CDON: variants seen among roughly 807,000 people sequenced by gnomAD.
The protein encoded by CDON is cell adhesion associated, oncogene regulated, also known as cell adhesion molecule-related/down-regulated by oncogenes.
In CDON, 73 loss-of-function variants were observed where a neutral mutation model predicts 120.9. The observed-to-expected ratio is 0.60, with a 90% confidence interval of 0.50 to 0.73. CDON has a LOEUF of 0.73. Ranked by LOEUF, CDON falls within the 30% of genes least tolerant of loss-of-function variation. The probability of loss-of-function intolerance (pLI) is 0.00; values close to 1 mark genes in which losing one functional copy is unlikely to be tolerated. For synonymous variants in CDON, 566 were observed against 573.5 expected (o/e 0.99, Z 0.19); for missense variants, 1,470 against 1,587.3 (o/e 0.93, Z 1.26).
At chr11:125,991,022 C>T (rs139545917) in intron 14 of CDON, among the ~76,000 whole-genome samples, 3,125 of 152,172 alleles carry the variant, frequency 0.021, 42 homozygotes, top group Middle Eastern at 0.045. Context: ...AGTCTTGGGT[C>T]TTTCCCAACC....
chr11:126,011,723 T>C (rs1390779897), intron 7 of CDON, among the ~76,000 whole-genome samples: 1 of 152,266 alleles, frequency 6.6e-6, no homozygotes, highest in Non-Finnish European at 1.5e-5. Context: ...TTCATTTCAA[T>C]GTGGTCATCC....
intron 1 of CDON, among the ~76,000 whole-genome samples, chr11:126,038,825 G>A (rs994914721): frequency 6.6e-6 from 1 of 152,134 alleles, no homozygotes; most frequent in Admixed American, 6.5e-5. Context: ...TACCTCAAGA[G>A]TAAAGGATCA....
chr11:126,028,440 T>C (rs778494247), intron 1 of CDON, among the ~76,000 whole-genome samples: 5 of 152,146 alleles, frequency 3.3e-5, no homozygotes, highest in Non-Finnish European at 5.9e-5. Context: ...CTTGGCTCAC[T>C]GCAGCCTCCG....
chr11:126,007,181 TCC>T, intron 8 of CDON, among the ~76,000 whole-genome samples: 1 of 152,310 alleles, frequency 6.6e-6, no homozygotes, highest in East Asian at 1.9e-4. Context: ...TACTTTTATG[TCC>T]AAAATGAAGT....
chr11:125,977,234 T>C (rs1283237070), intron 18 of CDON, among the ~76,000 whole-genome samples: 2 of 152,204 alleles, frequency 1.3e-5, no homozygotes, highest in East Asian at 3.8e-4. Flanking sequence ...AAGAAGCAGA[T>C]GGCTCTTTTA....
Position 125,983,952 on chromosome 11 carries a change from A to G in CDON, c.2915T>C (p.Val972Ala). 6.2e-7 allele frequency: 1 copy of G among 1,614,222 alleles called. No individual in the cohort carries two copies. Residue 972 changes from valine to alanine, a missense_variant, in exon 16 of 20, where the codon GTG becomes GCG. Val to Ala is a moderately conservative substitution (Grantham distance 64, BLOSUM62 0). Transcript: ENST00000531738. ...CAGAATGAGGACCATGACGCCCAGC[A>G]CACAGCCAACGATCAGATATAACAT... ...SDMLYLIVGC[V>A]LGVMVLILMV...
At chr11:125,983,427 T>A (rs1946371554) in intron 16 of CDON, among the ~76,000 whole-genome samples, 1 of 152,176 alleles carries the variant, frequency 6.6e-6, no homozygotes, top group Non-Finnish European at 1.5e-5. Flanking sequence ...GTTATCCTCA[T>A]CGGTGAAGTG....
In CDON at chr11:125,960,890, T is replaced by TG; in HGVS notation, c.*51dup. The TG allele has an allele frequency of 6.4e-7, 1 of 1,558,658 alleles. No individual in the cohort carries two copies. The highest frequency in any genetic ancestry group is 8.8e-7 in the Non-Finnish European group (1 of 1,130,564). ...TCACACAGTTCGCTCCCAGGCCTGT[T>TG]GTGTGCAGTTACCGGCTTGAAGTTG... On this transcript the variant is annotated 3_prime_UTR_variant, in exon 20 of 20. Transcript: ENST00000531738.
rs966553971 is a variant in CDON, at chr11:125,957,802, T to G, written c.*3140A>C. On this transcript the variant is annotated 3_prime_UTR_variant, in exon 20 of 20. Transcript: ENST00000531738. ...GAACACTTCAAAAGGTTTAGAACAT[T>G]GCAATGTAACTTGCACCCTGGCAGC... The G allele has an allele frequency of 1.3e-5, 2 of 152,194 alleles. No individual in the cohort carries two copies. Among genetic ancestry groups the G allele is most frequent in the Non-Finnish European group, 2.9e-5 (2 of 68,024 alleles). 9.4% of individuals were successfully genotyped at this position (152,194 alleles called of 1,614,324 possible). A position where few individuals can be genotyped will look rare whatever the true frequency, so the allele number is the denominator to read the frequency against.
At chr11:126,049,113 C>T (rs1300314071) in intron 1 of CDON, among the ~76,000 whole-genome samples, 1 of 152,198 alleles carries the variant, frequency 6.6e-6, no homozygotes, top group Non-Finnish European at 1.5e-5. Flanking sequence ...ACCTAAAAAA[C>T]AGCATACAAA....
At chr11:125,996,441 G>C (rs917303955) in intron 12 of CDON, among the ~76,000 whole-genome samples, 2 of 152,138 alleles carry the variant, frequency 1.3e-5, no homozygotes, top group Non-Finnish European at 2.9e-5. Flanking sequence ...GCTCACGCCT[G>C]TAATCCCAGC....
intron 7 of CDON, among the ~76,000 whole-genome samples, chr11:126,013,871 G>A (rs1947379648): frequency 6.6e-6 from 1 of 151,144 alleles, no homozygotes; most frequent in South Asian, 2.1e-4. Context: ...GTAGTTTTTA[G>A]TCTTACTAAT....
chr11:125,962,631 A>G (rs1945675478), intron 18 of CDON, among the ~76,000 whole-genome samples: 1 of 152,134 alleles, frequency 6.6e-6, no homozygotes, highest in African/African-American at 2.4e-5. Flanking sequence ...CTTTACGTAC[A>G]ATGTGTGTTT....
At chr11:126,015,876 C>G (rs557590551) in intron 6 of CDON, among the ~76,000 whole-genome samples, 1 of 152,140 alleles carries the variant, frequency 6.6e-6, no homozygotes, top group African/African-American at 2.4e-5. Flanking sequence ...TCACACTAAA[C>G]AGAAGCCAAA....
chr11:126,010,575 C>T lies in CDON; in HGVS notation c.1318G>A (p.Asp440Asn). 5.0e-6 allele frequency: 8 copies of T among 1,614,094 alleles called. No individual in the cohort carries two copies. Among genetic ancestry groups the T allele is most frequent in the Non-Finnish European group, 6.8e-6 (8 of 1,179,990 alleles). ...TGGCTGGTTATCAATCCATGGCTGT[C>T]ATACCAACGAATGACCGGAACCGGC... ...GLPVPVIRWY[D>N]SHGLITSHPS... The change falls in exon 8 of 20, where the codon GAC becomes AAC. Residue 440 changes from aspartate (D) to asparagine (N), a missense_variant. Coordinates refer to ENST00000531738, the MANE Select transcript of CDON (RefSeq NM_001378964.1).
At chr11:126,058,736 G>C (rs968765891) in intron 1 of CDON, among the ~76,000 whole-genome samples, 3 of 152,190 alleles carry the variant, frequency 2.0e-5, no homozygotes, top group African/African-American at 7.2e-5. Flanking sequence ...GGTCTTCCTT[G>C]AAAAGTACAC....
intron 18 of CDON, among the ~76,000 whole-genome samples, chr11:125,970,669 G>C (rs1565492272): frequency 6.6e-6 from 1 of 152,184 alleles, no homozygotes; most frequent in Non-Finnish European, 1.5e-5. Context: ...GCATTAGAGT[G>C]GGAGTTTCCT....
intron 18 of CDON, among the ~76,000 whole-genome samples, chr11:125,978,096 T>C (rs1565498404): frequency 6.6e-6 from 1 of 152,132 alleles, no homozygotes; most frequent in Non-Finnish European, 1.5e-5. Flanking sequence ...TTTAAGATGG[T>C]TTCTATATAG....
intron 7 of CDON, 162 bp downstream of exon 7, chr11:126,015,079 G>T: frequency 1.4e-6 from 1 of 698,538 alleles, no homozygotes. Flanking sequence ...CTTCTTCATG[G>T]AAATGCCTAC....
Sources: gnomAD v4.1 joint callset for allele counts (sites outside exome capture counted in the v4.1 genomes callset) on GRCh38, gnomAD v4.1.1 for gene constraint, MANE v1.5 for transcripts, NCBI Gene and HGNC (gene_info 2026-07-23, HGNC 2026-07-21) for gene names.